Variants in FGD3 observed in about 807,000 individuals in gnomAD.
The protein encoded by FGD3 is FYVE, RhoGEF and PH domain containing 3, also known as FYVE, RhoGEF and PH domain-containing protein 3.
FGD3 carries 45 observed loss-of-function variants against 71.8 expected under a neutral mutation model. The ratio of observed to expected loss-of-function variants is 0.63; its 90% CI spans 0.49 to 0.80. FGD3 has a LOEUF of 0.80. Among genes scored for constraint, FGD3 ranks in the 30% least tolerant of loss-of-function variants. The pLI is 0.00. For missense variants in FGD3, 844 were observed against 951.5 expected, an observed-to-expected ratio of 0.89 and a Z score of 1.49; for synonymous variants, 378 against 392.8, an observed-to-expected ratio of 0.96 and a Z score of 0.44.
At chr9:92,999,685 C>T (rs1031743053) in intron 3 of FGD3, among the ~76,000 whole-genome samples, 3 of 151,716 alleles carry the variant, frequency 2.0e-5, no homozygotes, top group African/African-American at 7.3e-5. Context: ...CCTCCGCCTC[C>T]CGGGTTCAAG....
In FGD3 at chr9:93,003,876, A is replaced by G. The variant is rs1287345820; in HGVS notation, c.544-125A>G. 1.7e-6 allele frequency: 2 copies of G among 1,165,500 alleles called. No individual in the cohort carries two copies. The highest frequency in any genetic ancestry group is 2.4e-4 in the Middle Eastern group (1 of 4,106). The allele number at this position is 1,165,500 out of a possible 1,614,324, so 72.2% of individuals were successfully genotyped here. Reference sequence around the variant, plus strand: ...AGGGAGGACAATAATTCTGAAATTCATTAAGAAAACACAAGGTGGCAGCAG... The same window carrying G: ...AGGGAGGACAATAATTCTGAAATTCGTTAAGAAAACACAAGGTGGCAGCAG... On this transcript the variant is annotated intron_variant, in intron 4 of 17. Transcript: ENST00000375482. The surrounding 1 kb of genome is among the most constrained non-coding windows in gnomAD (Gnocchi z 4.1).
intron 5 of FGD3, among the ~76,000 whole-genome samples, chr9:93,005,349 G>A (rs1032113459): frequency 6.6e-6 from 1 of 151,794 alleles, no homozygotes; most frequent in Non-Finnish European, 1.5e-5. Flanking sequence ...GGATGGTCTC[G>A]ATCTCCTGAC....
intron 3 of FGD3, among the ~76,000 whole-genome samples, chr9:92,999,274 G>T (rs185553424): frequency 1.1e-4 from 16 of 152,348 alleles, no homozygotes; most frequent in African/African-American, 2.2e-4. Flanking sequence ...CTCTGAGCCA[G>T]GCGAGGGATA....
intron 14 of FGD3, 118 bp from the exon 15 acceptor site, chr9:93,029,756 A>G (rs1862283291): frequency 7.3e-7 from 1 of 1,367,904 alleles, no homozygotes; most frequent in African/African-American, 1.4e-5. Flanking sequence ...TGCATGTTCC[A>G]CTTTTTGCCT....
chr9:92,984,551 G>T (rs1435477870), intron 3 of FGD3, among the ~76,000 whole-genome samples: 1 of 152,194 alleles, frequency 6.6e-6, no homozygotes, highest in Non-Finnish European at 1.5e-5. Flanking sequence ...CCAAATAAGT[G>T]TGGGCTATTT....
intron 1 of FGD3, among the ~76,000 whole-genome samples, chr9:92,971,566 C>CTTTTTTTTTTTTTTTTTTTT (rs869043960): frequency 3.5e-4 from 14 of 39,580 alleles, no homozygotes; most frequent in East Asian, 9.0e-4. Flanking sequence ...CTTTTCTTTT[C>CTTTTTTTTTTTTTTTTTTTT]TTTTTTTTTT....
intron 1 of FGD3, among the ~76,000 whole-genome samples, chr9:92,970,197 C>T (rs889045913): frequency 1.3e-5 from 2 of 152,200 alleles, no homozygotes; most frequent in Admixed American, 6.5e-5. Flanking sequence ...CTCTGAGCCT[C>T]GGCGTCCTCA....
chr9:93,010,453 G>A, intron 7 of FGD3, 69 bp downstream of exon 7: 1 of 1,471,758 alleles, frequency 6.8e-7, no homozygotes, highest in Non-Finnish European at 9.1e-7. Flanking sequence ...GGTGGGGAGA[G>A]AGGGAGAGAG....
intron 3 of FGD3, among the ~76,000 whole-genome samples, chr9:92,997,095 T>A (rs1860676506): frequency 2.0e-5 from 3 of 152,252 alleles, no homozygotes; most frequent in South Asian, 4.1e-4. Flanking sequence ...TCCCATTATT[T>A]TTGTGTGGGA....
chr9:93,030,166 G>A (rs1055733633), intron 15 of FGD3, among the ~76,000 whole-genome samples, 170 bp downstream of exon 15: 2 of 152,188 alleles, frequency 1.3e-5, no homozygotes, highest in African/African-American at 4.8e-5. Flanking sequence ...AAACTGTCCT[G>A]TCCGAAGTAG....
chr9:92,983,506 C>G (rs1029897886), intron 3 of FGD3, among the ~76,000 whole-genome samples: 1 of 152,160 alleles, frequency 6.6e-6, no homozygotes, highest in Non-Finnish European at 1.5e-5. Context: ...GCCTGGGCAA[C>G]AGAGCGAGAC....
Position 92,976,427 on chromosome 9 carries a change from A to G in FGD3, c.171A>G (p.Pro57=), listed in dbSNP as rs1428550373. 1.2e-6 allele frequency: 2 copies of G among 1,611,886 alleles called. No homozygotes were observed. ...TGGCTGCAGCAGGGGACGGCTCTCC[A>G]GACATAGGCCCCACGGGAGAGCTGA... ...VSLAAAGDGS[P]DIGPTGELSG... The change falls in exon 3 of 18, where the codon CCA becomes CCG. Residue 57 remains proline (P), a synonymous_variant. Coordinates refer to ENST00000375482, the MANE Select transcript of FGD3 (RefSeq NM_001083536.2).
chr9:93,021,639 C>CT (rs1248915575), intron 13 of FGD3, among the ~76,000 whole-genome samples: 1 of 152,170 alleles, frequency 6.6e-6, no homozygotes, highest in Non-Finnish European at 1.5e-5. Flanking sequence ...TGCCCCAACT[C>CT]TCGCCGCCTG....
chr9:93,019,150 C>G (rs1390005916), intron 11 of FGD3, among the ~76,000 whole-genome samples: 1 of 152,142 alleles, frequency 6.6e-6, no homozygotes, highest in Admixed American at 6.5e-5. Context: ...GTGCCCAGCC[C>G]CTTCTAGGAT....
intron 8 of FGD3, among the ~76,000 whole-genome samples, chr9:93,013,196 T>C (rs1251259787): frequency 5.3e-5 from 8 of 152,186 alleles, no homozygotes; most frequent in Non-Finnish European, 1.0e-4. Context: ...CCTACCTGCA[T>C]TGGTGCCAGA....
rs775140624 is a variant in FGD3, at chr9:93,035,386, G to A, written c.1975G>A (p.Val659Met). ...CCCTCTCCCCAGCTGCAAACTGAGT[G>A]TGCCGGACCCTGAGGAGAGGCTGGA... ...TIPLPSCKLSVPDPEERLDSG... is the reference protein window; with the variant it reads ...TIPLPSCKLSMPDPEERLDSG... The change falls in exon 18 of 18, where the codon GTG becomes ATG. Residue 659 changes from valine to methionine, a missense_variant. By Grantham distance (21) the Val-to-Met change is conservative (BLOSUM62 1). Transcript: ENST00000375482. The A allele has an allele frequency of 1.9e-6, 3 of 1,611,090 alleles. No homozygotes were observed. The South Asian group carries it at 3.3e-5, about 18-fold the overall frequency.
At chr9:92,953,263 T>A (rs1276624479) in intron 1 of FGD3, among the ~76,000 whole-genome samples, 1 of 152,144 alleles carries the variant, frequency 6.6e-6, no homozygotes, top group Admixed American at 6.6e-5. Flanking sequence ...CACTTTTGTG[T>A]AAGTATAGAC....
chr9:92,959,998 C>T (rs554315465), intron 1 of FGD3, among the ~76,000 whole-genome samples: 5 of 152,154 alleles, frequency 3.3e-5, no homozygotes, highest in South Asian at 2.1e-4. Flanking sequence ...TTCATGTCCC[C>T]GTATCCCTCA....
intron 13 of FGD3, among the ~76,000 whole-genome samples, chr9:93,021,426 G>A (rs1861914120): frequency 1.3e-5 from 2 of 152,182 alleles, no homozygotes; most frequent in South Asian, 4.1e-4. Flanking sequence ...CTGGAGTCAG[G>A]GAGAGAGGAT....
Sources: allele counts gnomAD v4.1 joint callset (sites outside exome capture counted in the v4.1 genomes callset), GRCh38; gene constraint gnomAD v4.1.1; non-coding constraint Gnocchi (gnomAD v3.1); transcripts MANE v1.5; gene names NCBI Gene and HGNC (gene_info 2026-07-23, HGNC 2026-07-21).